Variants in MLLT3 observed in about 807,000 individuals in gnomAD.
MLLT3 encodes the protein protein AF-9.
In MLLT3, 4 loss-of-function variants were observed where a neutral mutation model predicts 53.2. The ratio of observed to expected loss-of-function variants is 0.08; its 90% CI spans 0.04 to 0.17. The LOEUF is 0.17. MLLT3 is among the 10% of genes least tolerant of loss of function. The pLI, the probability that MLLT3 is intolerant of heterozygous loss-of-function variation, is 1.00. For synonymous variants in MLLT3, 283 were observed against 230.6 expected (o/e 1.23, Z -2.06); for missense variants, 569 against 684.0 (o/e 0.83, Z 1.87).
chr9:20,436,956 G>C (rs139998280), intron 4 of MLLT3, among the ~76,000 whole-genome samples: 180 of 152,042 alleles, frequency 1.2e-3, no homozygotes, highest in African/African-American at 3.9e-3. Context: ...ACTATATCCT[G>C]GTAGATGGTA....
At chr9:20,464,564 T>A (rs1824188987) in intron 2 of MLLT3, among the ~76,000 whole-genome samples, 1 of 152,240 alleles carries the variant, frequency 6.6e-6, no homozygotes, top group Admixed American at 6.5e-5. Context: ...AGTGTTATGA[T>A]AATAAAACAG....
intron 5 of MLLT3, among the ~76,000 whole-genome samples, chr9:20,375,610 CTTT>C (rs1307638910): frequency 4.2e-5 from 4 of 94,842 alleles, no homozygotes; most frequent in Admixed American, 1.1e-4. Context: ...TTTTTCTTTT[CTTT>C]TTTTTTTTTT....
intron 2 of MLLT3, among the ~76,000 whole-genome samples, chr9:20,548,258 A>T (rs1400143878): frequency 6.6e-6 from 1 of 152,230 alleles, no homozygotes; most frequent in African/African-American, 2.4e-5. Flanking sequence ...GCATATGTCT[A>T]ACAGGAACAG....
At chr9:20,410,406 C>T (rs1183961182) in intron 5 of MLLT3, among the ~76,000 whole-genome samples, 2 of 152,066 alleles carry the variant, frequency 1.3e-5, no homozygotes, top group African/African-American at 4.8e-5. Context: ...AATAATCCTA[C>T]AAAGAAGATA....
chr9:20,361,426 G>T (rs1486161323), intron 7 of MLLT3, among the ~76,000 whole-genome samples: 1 of 152,132 alleles, frequency 6.6e-6, no homozygotes. Flanking sequence ...GCCCTGCACC[G>T]CTGACAGCAC....
rs1176274864 is a variant in MLLT3, at chr9:20,620,293, A to ACACACGCGCGCGCG, written c.193+360_193+361insCGCGCGCGCGTGTG. Among the ~76,000 whole-genome samples, 9 of 145,960 alleles carry ACACACGCGCGCGCG rather than the reference A, an allele frequency of 6.2e-5. No homozygotes were observed. Among genetic ancestry groups the ACACACGCGCGCGCG allele is most frequent in the African/African-American group, 2.0e-4 (8 of 39,814 alleles). ...CACACACACACACACACACACACAC[A>ACACACGCGCGCGCG]CGCGCAAAGTGTTTATTCCCTCCAG... On this transcript the variant is annotated intron_variant, in intron 2 of 10. Transcript: ENST00000380338. This position sits in a 1 kb window ranked among gnomAD's most constrained non-coding sequence, Gnocchi z 6.1.
At position 20,360,730 on chromosome 9, in the gene MLLT3, C is replaced by A; in HGVS notation, c.1431+12G>T. ...CTGCAGAGTCTTGCAAAGTGCAAAC[C>A]CCACAATTTACCTGGTTGTTGTTGG... On this transcript the variant is annotated intron_variant, in intron 8 of 10. Coordinates refer to ENST00000380338, the MANE Select transcript of MLLT3 (RefSeq NM_004529.4). 1.2e-6 allele frequency: 2 copies of A among 1,608,190 alleles called. No homozygotes were observed. Among genetic ancestry groups the A allele is most frequent in the Admixed American group, 1.7e-5 (1 of 59,982 alleles).
intron 2 of MLLT3, among the ~76,000 whole-genome samples, chr9:20,617,959 A>T (rs763097431): frequency 3.3e-5 from 5 of 152,198 alleles, no homozygotes; most frequent in Admixed American, 6.5e-5. Context: ...TCAACCTGAA[A>T]ATCAATTCAC....
At position 20,342,117 on chromosome 9, in the gene MLLT3, G is replaced by A. The variant is rs1002761540; in HGVS notation, c.*4326C>T. ...GCATCACTTCTTGAGAAAAGGCTAG[G>A]GGCTAATTTTTCCTGTATGCAAAAT... On this transcript the variant is annotated 3_prime_UTR_variant, in exon 11 of 11. Coordinates refer to ENST00000380338, the MANE Select transcript of MLLT3 (RefSeq NM_004529.4). The A allele has an allele frequency of 8.9e-5, 19 of 214,234 alleles. No homozygotes were observed. The highest frequency in any genetic ancestry group is 3.6e-4 in the African/African-American group (16 of 44,176). The allele number at this position is 214,234 out of a possible 1,614,324, so 13.3% of individuals were successfully genotyped here.
chr9:20,414,458 A>G (rs538143713), intron 4 of MLLT3, 33 bp from the exon 5 acceptor site: 61 of 1,600,994 alleles, frequency 3.8e-5, no homozygotes, highest in Non-Finnish European at 5.0e-5. Context: ...TGAAACTCCC[A>G]AAACTAAATA....
chr9:20,566,019 T>C (rs867757597), intron 2 of MLLT3, among the ~76,000 whole-genome samples: 16 of 129,456 alleles, frequency 1.2e-4, no homozygotes, highest in Middle Eastern at 3.8e-3. Context: ...TATTTTTATA[T>C]ATATTTATTT....
At chr9:20,353,501 G>C in intron 10 of MLLT3, 24 bp downstream of exon 10, 1 of 1,604,130 alleles carries the variant, frequency 6.2e-7, no homozygotes, top group South Asian at 1.1e-5. Flanking sequence ...TCTGGAAAGG[G>C]TTGTGCTAAA....
At chr9:20,580,886 A>C (rs1335810255) in intron 2 of MLLT3, among the ~76,000 whole-genome samples, 1 of 152,230 alleles carries the variant, frequency 6.6e-6, no homozygotes, top group Non-Finnish European at 1.5e-5. Context: ...CACAGGGCTA[A>C]CCTGCCTAAC....
At chr9:20,424,062 T>C (rs1290713830) in intron 4 of MLLT3, among the ~76,000 whole-genome samples, 2 of 152,202 alleles carry the variant, frequency 1.3e-5, no homozygotes, top group South Asian at 2.1e-4. Flanking sequence ...ATTTAAGGCA[T>C]ACAGGAGGAT....
intron 5 of MLLT3, among the ~76,000 whole-genome samples, chr9:20,399,564 T>G (rs778003668): frequency 3.3e-5 from 5 of 152,096 alleles, no homozygotes; most frequent in African/African-American, 7.2e-5. Flanking sequence ...TGTGGCAGAT[T>G]ATTTAGAAAA....
intron 4 of MLLT3, among the ~76,000 whole-genome samples, chr9:20,445,109 C>A (rs189527714): frequency 1.8e-3 from 280 of 151,822 alleles, no homozygotes; most frequent in African/African-American, 6.5e-3. Flanking sequence ...AAAAAAAGTT[C>A]GTCGGGCTAG....
chr9:20,616,161 C>A (rs1043616775), intron 2 of MLLT3, among the ~76,000 whole-genome samples: 1 of 152,094 alleles, frequency 6.6e-6, no homozygotes, highest in Non-Finnish European at 1.5e-5. Context: ...TCAACCTCAA[C>A]TTATGAGGTA....
At chr9:20,515,594 C>G (rs1015044491) in intron 2 of MLLT3, among the ~76,000 whole-genome samples, 1 of 152,172 alleles carries the variant, frequency 6.6e-6, no homozygotes, top group African/African-American at 2.4e-5. Flanking sequence ...TCTCCCCATA[C>G]TCACCGTTTT....
chr9:20,400,933 G>A (rs1318607314), intron 5 of MLLT3, among the ~76,000 whole-genome samples: 1 of 152,088 alleles, frequency 6.6e-6, no homozygotes, highest in East Asian at 1.9e-4. Flanking sequence ...AGAAAGTTTT[G>A]TAGAGAAGAA....
Sources: gnomAD v4.1 joint callset for allele counts (sites outside exome capture counted in the v4.1 genomes callset) on GRCh38, gnomAD v4.1.1 for gene constraint, Gnocchi (gnomAD v3.1) non-coding constraint, MANE v1.5 for transcripts, NCBI Gene and HGNC (gene_info 2026-07-23, HGNC 2026-07-21) for gene names.